Variants in STAG1 observed in about 807,000 individuals in gnomAD.
The protein encoded by STAG1 is cohesin subunit SA-1.
STAG1 carries 26 observed loss-of-function variants against 170.9 expected under a neutral mutation model. The observed-to-expected ratio is 0.15, with a 90% CI of 0.11 to 0.21. The LOEUF (loss-of-function observed/expected upper bound fraction) is 0.21. Among genes scored for constraint, STAG1 ranks in the 10% least tolerant of loss-of-function variants. The probability of loss-of-function intolerance (pLI) is 1.00; values close to 1 mark genes in which losing one functional copy is unlikely to be tolerated. For missense variants in STAG1, 964 were observed against 1,509.5 expected (o/e 0.64, Z 5.99); for synonymous variants, 514 against 497.7 (o/e 1.03, Z -0.44).
intron 5 of STAG1, among the ~76,000 whole-genome samples, chr3:136,566,502 C>T (rs7633459): frequency 6.6e-6 from 1 of 152,152 alleles, no homozygotes; most frequent in African/African-American, 2.4e-5. Flanking sequence ...GCCCTAAATG[C>T]TACTGAATTG....
At chr3:136,476,899 G>C (rs908452520) in intron 10 of STAG1, among the ~76,000 whole-genome samples, 10 of 151,966 alleles carry the variant, frequency 6.6e-5, no homozygotes, top group Non-Finnish European at 1.3e-4. Flanking sequence ...ATCTATTCAA[G>C]TCTGATAAAG....
At chr3:136,567,178 CACT>C (rs894944244) in intron 5 of STAG1, among the ~76,000 whole-genome samples, 67 of 152,268 alleles carry the variant, frequency 4.4e-4, no homozygotes, top group African/African-American at 1.4e-3. Context: ...AAATTTTAAA[CACT>C]ACTAATTGCT....
chr3:136,500,448 T>G (rs1302498626), intron 8 of STAG1, 152 bp from the exon 9 acceptor site: 8 of 557,988 alleles, frequency 1.4e-5, no homozygotes, highest in Non-Finnish European at 9.6e-6. Flanking sequence ...TACCAGTATA[T>G]TTCCATTATT....
chr3:136,364,687 C>A (rs750333110), intron 25 of STAG1, among the ~76,000 whole-genome samples: 1 of 152,166 alleles, frequency 6.6e-6, no homozygotes, highest in Non-Finnish European at 1.5e-5. Flanking sequence ...AATTCAGTTT[C>A]TTGACACAAG....
At chr3:136,578,637 T>A (rs1326972388) in intron 4 of STAG1, among the ~76,000 whole-genome samples, 1 of 152,226 alleles carries the variant, frequency 6.6e-6, no homozygotes, top group Non-Finnish European at 1.5e-5. Flanking sequence ...AAAGGAAATA[T>A]CCAGACCTTT....
chr3:136,506,476 C>CAAA (rs11414654), intron 7 of STAG1, among the ~76,000 whole-genome samples: 3,419 of 85,246 alleles, frequency 0.04, 56 homozygotes, highest in Non-Finnish European at 0.062. Flanking sequence ...ACTAAAAATA[C>CAAA]AAAAAAAAAA....
chr3:136,711,051 A>G (rs897975196), intron 1 of STAG1, among the ~76,000 whole-genome samples: 5 of 151,118 alleles, frequency 3.3e-5, no homozygotes, highest in African/African-American at 1.2e-4. Flanking sequence ...TCCCACTTAC[A>G]AAAAGAAAAA....
chr3:136,448,195 A>G (rs891047647), intron 14 of STAG1, among the ~76,000 whole-genome samples: 7 of 152,222 alleles, frequency 4.6e-5, no homozygotes, highest in Admixed American at 1.3e-4. Context: ...TAATTCTACT[A>G]AAATGTTACT....
At chr3:136,603,842 G>GT (rs1241560741) in intron 4 of STAG1, among the ~76,000 whole-genome samples, 1 of 152,048 alleles carries the variant, frequency 6.6e-6, no homozygotes, top group Non-Finnish European at 1.5e-5. Flanking sequence ...AGCCAAGATC[G>GT]TGCCACTGCA....
intron 22 of STAG1, among the ~76,000 whole-genome samples, chr3:136,396,181 C>T (rs186045931): frequency 6.6e-4 from 97 of 147,832 alleles, no homozygotes; most frequent in African/African-American, 2.3e-3. Context: ...CGATTACAGG[C>T]GTGAGCCGCC....
intron 1 of STAG1, among the ~76,000 whole-genome samples, chr3:136,735,481 G>GGCTAGAA: frequency 6.6e-6 from 1 of 151,584 alleles, no homozygotes; most frequent in Non-Finnish European, 1.5e-5. Context: ...TTGTTGCCCA[G>GGCTAGAA]GCTAGAGTGC....
chr3:136,558,693 A>C (rs967057455), intron 5 of STAG1, among the ~76,000 whole-genome samples: 2 of 152,230 alleles, frequency 1.3e-5, no homozygotes, highest in Admixed American at 6.5e-5. Context: ...GAAAAGTTAC[A>C]ACTACTTCAG....
intron 22 of STAG1, among the ~76,000 whole-genome samples, chr3:136,385,481 A>C (rs887445167): frequency 6.6e-6 from 1 of 152,200 alleles, no homozygotes; most frequent in Non-Finnish European, 1.5e-5. Context: ...GCAGAAAGGA[A>C]TTCAGATGGC....
intron 13 of STAG1, 35 bp from the exon 14 acceptor site, chr3:136,452,182 T>C (rs747408829): frequency 4.5e-6 from 6 of 1,341,596 alleles, no homozygotes; most frequent in Middle Eastern, 1.8e-4. Flanking sequence ...CAAAGTTACA[T>C]GAATATGAAC....
In STAG1 at chr3:136,337,854, A is replaced by G; in HGVS notation, c.*400T>C. 6.3e-6 allele frequency: 1 copy of G among 159,352 alleles called. No individual in the cohort carries two copies. The highest frequency in any genetic ancestry group is 1.4e-5 in the Non-Finnish European group (1 of 72,628). The allele number at this position is 159,352 out of a possible 1,614,324, so 9.9% of individuals were successfully genotyped here. ...GGCAAAATGTTAAAACGGTTTTTAA[A>G]TTGTACAACAGGAAAATAAAGTTAA... On this transcript the variant is annotated 3_prime_UTR_variant, in exon 34 of 34. Transcript: ENST00000383202.
rs186540764 is a variant in STAG1, at chr3:136,712,268, G to A, written c.-84+39927C>T. On this transcript the variant is annotated intron_variant, in intron 1 of 33. Transcript: ENST00000383202. ...CCTGACCTCATGATCCAACTGCCTC[G>A]GCCTCCAAAAGTGCTGGGATTACAG... is the stretch of plus-strand genomic sequence containing the variant. 4.3e-4 allele frequency among the ~76,000 whole-genome samples: 65 copies of A among 152,036 alleles called. No homozygotes were observed. In the East Asian group the frequency reaches 9.5e-3, roughly 22 times the overall value.
At chr3:136,714,963 A>ATATATT (rs1249671152) in intron 1 of STAG1, among the ~76,000 whole-genome samples, 3 of 61,702 alleles carry the variant, frequency 4.9e-5, no homozygotes, top group African/African-American at 1.5e-4. Context: ...ATATATATAT[A>ATATATT]TTTTATATAT....
At chr3:136,618,824 G>C (rs1939712912) in intron 3 of STAG1, among the ~76,000 whole-genome samples, 1 of 151,878 alleles carries the variant, frequency 6.6e-6, no homozygotes. Flanking sequence ...GGTTATGTAA[G>C]AAAAAATGTC....
At chr3:136,462,266 A>G (rs1216989177) in intron 13 of STAG1, among the ~76,000 whole-genome samples, 1 of 152,216 alleles carries the variant, frequency 6.6e-6, no homozygotes, top group Non-Finnish European at 1.5e-5. Flanking sequence ...AGCACTATTC[A>G]TAGTAGTGAT....
Sources: allele counts gnomAD v4.1 joint callset (sites outside exome capture counted in the v4.1 genomes callset), GRCh38; gene constraint gnomAD v4.1.1; transcripts MANE v1.5; gene names NCBI Gene and HGNC (gene_info 2026-07-23, HGNC 2026-07-21).